The following TRAT1 variants were observed in gnomAD, a reference collection of about 807,000 sequenced individuals.
TRAT1 encodes T-cell receptor-associated transmembrane adapter 1.
TRAT1 carries 20 observed loss-of-function variants against 20.0 expected under a neutral mutation model. The observed-to-expected ratio is 1.00, with a 90% CI of 0.70 to 1.45. The LOEUF (loss-of-function observed/expected upper bound fraction) is 1.45, where lower values mean the gene tolerates loss of function less well. Ranked by LOEUF, TRAT1 falls within the 40% of genes most tolerant of loss-of-function variation. The pLI is 0.00. For missense variants in TRAT1, 237 were observed against 224.1 expected, an observed-to-expected ratio of 1.06 and a Z score of -0.37; for synonymous variants, 77 against 74.2, an observed-to-expected ratio of 1.04 and a Z score of -0.20.
chr3:108,840,824 C>T (rs956214904), intron 3 of TRAT1, among the ~76,000 whole-genome samples: 1 of 152,214 alleles, frequency 6.6e-6, no homozygotes, highest in Non-Finnish European at 1.5e-5. Context: ...CAGCAAAGGA[C>T]AACCAAAGTC....
chr3:108,837,497 T>C (rs755450340), intron 2 of TRAT1, among the ~76,000 whole-genome samples: 1 of 152,212 alleles, frequency 6.6e-6, no homozygotes, highest in African/African-American at 2.4e-5. Flanking sequence ...TTGTTACACA[T>C]AAATTTAACT....
chr3:108,852,116 C>G (rs1051735227), intron 5 of TRAT1, among the ~76,000 whole-genome samples: 2 of 152,194 alleles, frequency 1.3e-5, no homozygotes, highest in African/African-American at 2.4e-5. Flanking sequence ...TGTGGTGGCT[C>G]ACGCCTATAA....
intron 4 of TRAT1, 124 bp from the exon 5 acceptor site, chr3:108,849,042 G>C: frequency 1.3e-6 from 1 of 783,346 alleles, no homozygotes; most frequent in Non-Finnish European, 2.1e-6. Context: ...CCACCAAAAA[G>C]ACTAGTTAAG....
intron 1 of TRAT1, among the ~76,000 whole-genome samples, chr3:108,824,854 A>G (rs1945722322): frequency 6.6e-6 from 1 of 152,260 alleles, no homozygotes; most frequent in African/African-American, 2.4e-5. Context: ...CTCAGAAAGC[A>G]TGGGAAGACC....
At chr3:108,838,851 A>G in intron 2 of TRAT1, 83 bp from the exon 3 acceptor site, 1 of 1,071,318 alleles carries the variant, frequency 9.3e-7, no homozygotes, top group Non-Finnish European at 1.5e-6. Context: ...TTGAGGCTAA[A>G]CTCCCCTCAG....
At chr3:108,836,279 C>T (rs1442864197) in intron 2 of TRAT1, among the ~76,000 whole-genome samples, 1 of 152,138 alleles carries the variant, frequency 6.6e-6, no homozygotes, top group Non-Finnish European at 1.5e-5. Flanking sequence ...ATACTTCAAG[C>T]ACCTCCATCT....
At chr3:108,843,832 C>T (rs535189883) in intron 3 of TRAT1, among the ~76,000 whole-genome samples, 1 of 152,342 alleles carries the variant, frequency 6.6e-6, no homozygotes, top group East Asian at 1.9e-4. Flanking sequence ...ACTTGAAACA[C>T]TTGATTCTCT....
Position 108,830,676 on chromosome 3 carries a change from C to T in TRAT1, c.14C>T (p.Ser5Phe), listed in dbSNP as rs183047844. The T allele has an allele frequency of 5.5e-5, 89 of 1,608,684 alleles. No individual in the cohort carries two copies. In the Admixed American group the frequency reaches 1.0e-3, roughly 18 times the overall value. Residue 5 changes from serine (S) to phenylalanine (F), a missense_variant, in exon 2 of 6, where the codon TCT (serine) becomes TTT (phenylalanine). Transcript: ENST00000295756. Reference protein sequence around the residue: MSGISGCPFFLWGLL... With the variant: MSGIFGCPFFLWGLL... ...TGTTTATTTTAATTTCCAGGAATCT[C>T]TGGGTGCCCCTTTTTCCTCTGGGGA...
At chr3:108,842,055 T>C (rs1428390203) in intron 3 of TRAT1, among the ~76,000 whole-genome samples, 1 of 152,234 alleles carries the variant, frequency 6.6e-6, no homozygotes, top group African/African-American at 2.4e-5. Flanking sequence ...TAAAAATTAA[T>C]GCCTCTGAAA....
intron 4 of TRAT1, chr3:108,847,333 C>T (rs1945956701): frequency 2.3e-6 from 1 of 438,500 alleles, no homozygotes; most frequent in Admixed American, 4.5e-5. Context: ...TCTAAATCAA[C>T]ATCCTGTTTT....
chr3:108,839,205 T>C (rs562472490), intron 3 of TRAT1: 2 of 513,508 alleles, frequency 3.9e-6, no homozygotes, highest in African/African-American at 3.9e-5. Flanking sequence ...AATGAGATTC[T>C]AACCTGATAA....
At chr3:108,850,076 A>T (rs578231558) in intron 5 of TRAT1, among the ~76,000 whole-genome samples, 78 of 152,284 alleles carry the variant, frequency 5.1e-4, no homozygotes, top group African/African-American at 1.7e-3. Context: ...TTATCTCCTT[A>T]GATTCCTATG....
chr3:108,828,934 A>G (rs570836106), intron 1 of TRAT1, among the ~76,000 whole-genome samples: 3 of 152,298 alleles, frequency 2.0e-5, no homozygotes, highest in South Asian at 2.1e-4. Context: ...ACTTCCATTC[A>G]TGGGTAGATC....
chr3:108,824,601 T>G (rs537761090), intron 1 of TRAT1, among the ~76,000 whole-genome samples: 1 of 152,342 alleles, frequency 6.6e-6, no homozygotes, highest in African/African-American at 2.4e-5. Context: ...GAGTAAAGAT[T>G]GCATATATTA....
chr3:108,835,323 G>A (rs184419363), intron 2 of TRAT1, among the ~76,000 whole-genome samples: 9 of 152,308 alleles, frequency 5.9e-5, no homozygotes, highest in East Asian at 1.9e-4. Flanking sequence ...TTCTTCCCAC[G>A]CACAGTCTTG....
intron 1 of TRAT1, among the ~76,000 whole-genome samples, chr3:108,825,500 A>T (rs914225083): frequency 6.6e-6 from 1 of 152,168 alleles, no homozygotes; most frequent in Non-Finnish European, 1.5e-5. Flanking sequence ...AGGACAATGA[A>T]ATCCTTTCTT....
In TRAT1 at chr3:108,823,881, G is replaced by GT. The variant is rs200279215; in HGVS notation, c.7+956dup. On this transcript the variant is annotated intron_variant, in intron 1 of 5. Transcript: ENST00000295756. ...ATGTTGTATACAGTTTTTTTTGTTT[G>GT]TTTTTTTTTGAGACAGAGTCTCTCT... Among the ~76,000 whole-genome samples, 49 of 150,032 alleles carry GT rather than the reference G, an allele frequency of 3.3e-4. No homozygotes were observed. In the East Asian group the frequency reaches 4.9e-3, roughly 15 times the overall value.
chr3:108,827,037 C>A (rs1945746172), intron 1 of TRAT1, among the ~76,000 whole-genome samples: 1 of 152,122 alleles, frequency 6.6e-6, no homozygotes, highest in Non-Finnish European at 1.5e-5. Flanking sequence ...CCACTATTAG[C>A]CCCTGGTAGT....
At position 108,836,411 on chromosome 3, in the gene TRAT1, G is replaced by T. The variant is rs1945842881; in HGVS notation, c.119-2523G>T. ...CTTCACTTTTGTTTTCAATGTTTTT[G>T]CTGATTTTTTTCCTTTTCTTTCAAA... On this transcript the variant is annotated intron_variant, in intron 2 of 5. Coordinates refer to ENST00000295756, the MANE Select transcript of TRAT1 (RefSeq NM_016388.4). Among the ~76,000 whole-genome samples the T allele has an allele frequency of 2.0e-5, 3 of 152,032 alleles. No homozygotes were observed. The South Asian group carries it at 6.2e-4, about 31-fold the overall frequency.
Sources: allele counts gnomAD v4.1 joint callset (sites outside exome capture counted in the v4.1 genomes callset), GRCh38; gene constraint gnomAD v4.1.1; transcripts MANE v1.5; gene names NCBI Gene and HGNC (gene_info 2026-07-23, HGNC 2026-07-21).